TLK1: variants seen among roughly 807,000 people sequenced by gnomAD.
The protein encoded by TLK1 is tousled like kinase 1, also known as serine/threonine-protein kinase tousled-like 1.
In TLK1, 24 loss-of-function variants were observed where a neutral mutation model predicts 105.3. That is an observed-to-expected ratio of 0.23 (90% CI 0.17 to 0.32). The LOEUF is 0.32. Ranked by LOEUF, TLK1 falls within the 10% of genes least tolerant of loss-of-function variation. TLK1 has a pLI of 1.00. For synonymous variants in TLK1, 321 were observed against 310.4 expected (o/e 1.03, Z -0.36); for missense variants, 558 against 910.5 (o/e 0.61, Z 4.98).
chr2:171,152,327 A>G (rs1692074967), intron 1 of TLK1, among the ~76,000 whole-genome samples: 1 of 152,194 alleles, frequency 6.6e-6, no homozygotes, highest in Non-Finnish European at 1.5e-5. Context: ...CCTTCTTGAA[A>G]TTCATTAAAT....
Position 171,053,845 on chromosome 2 carries a change from G to C in TLK1, c.648C>G (p.Leu216=). 6.2e-7 allele frequency: 1 copy of C among 1,603,432 alleles called. No individual in the cohort carries two copies. Among genetic ancestry groups the C allele is most frequent in the Non-Finnish European group, 8.5e-7 (1 of 1,175,328 alleles). Residue 216 remains leucine, a synonymous_variant, in exon 8 of 21, where the codon CTC becomes CTG. Transcript: ENST00000431350. ...CTAATGCTGCTAATTTCAGCATTGTGAGATCAGTCTAAATGAAAAAAAGTT... is the reference window on the plus strand; with the variant it reads ...CTAATGCTGCTAATTTCAGCATTGTCAGATCAGTCTAAATGAAAAAAAGTT... ...QLSFKIIQTD[L]TMLKLAALES... is the part of the protein sequence containing the mutation.
At chr2:171,140,631 C>G (rs550382579) in intron 1 of TLK1, among the ~76,000 whole-genome samples, 2 of 152,274 alleles carry the variant, frequency 1.3e-5, no homozygotes, top group East Asian at 3.9e-4. Context: ...TTAAGAAAAG[C>G]AGATTTATAG....
intron 1 of TLK1, among the ~76,000 whole-genome samples, chr2:171,174,141 G>C (rs1036028211): frequency 6.6e-6 from 1 of 151,922 alleles, no homozygotes; most frequent in Non-Finnish European, 1.5e-5. Flanking sequence ...TTTTAATCTT[G>C]TTGTCACCTG....
chr2:171,223,514 CTG>C (rs1693845593), intron 1 of TLK1, among the ~76,000 whole-genome samples: 1 of 119,310 alleles, frequency 8.4e-6, no homozygotes, highest in African/African-American at 3.3e-5. Flanking sequence ...GACTCTTACT[CTG>C]TTGCCCAGGC....
chr2:171,003,367 T>A (rs1010074743), intron 18 of TLK1, among the ~76,000 whole-genome samples: 2 of 152,064 alleles, frequency 1.3e-5, no homozygotes, highest in African/African-American at 4.8e-5. Context: ...TTCTTTTTTT[T>A]AGCAATGATC....
chr2:171,080,171 C>A (rs868403186), intron 3 of TLK1, among the ~76,000 whole-genome samples: 1 of 141,886 alleles, frequency 7.0e-6, no homozygotes, highest in Admixed American at 7.3e-5. Flanking sequence ...CACTCCAGCC[C>A]GGGCAAAAGA....
At chr2:171,179,765 C>G (rs1478012337) in intron 1 of TLK1, among the ~76,000 whole-genome samples, 2 of 152,006 alleles carry the variant, frequency 1.3e-5, no homozygotes, top group Admixed American at 6.6e-5. Flanking sequence ...CAAGACCAGC[C>G]TGGCCAACAT....
Position 171,011,428 on chromosome 2 carries a change from T to C in TLK1, c.1361A>G (p.Glu454Gly). The C allele has an allele frequency of 1.2e-6, 2 of 1,613,470 alleles. No individual in the cohort carries two copies. The highest frequency in any genetic ancestry group is 1.7e-6 in the Non-Finnish European group (2 of 1,179,678). Residue 454 changes from glutamate (E) to glycine (G), a missense_variant, in exon 14 of 21, where the codon GAA becomes GGA. By Grantham distance (98) the Glu-to-Gly change is moderately conservative. Around this residue, in one of 5 missense-constraint regions of TLK1, gnomAD observed 218 missense variants for 492.9 expected, o/e 0.44. Coordinates refer to ENST00000431350, the MANE Select transcript of TLK1 (RefSeq NM_012290.5). ...SQFKDHPTLN[E>G]RYLLLHLLGR... ...AAGCAGATGAAGTAATAAATATCTT[T>C]CATTTAATGTTGGGTGATCTTTGAA...
intron 1 of TLK1, chr2:171,154,623 T>C (rs769953820): frequency 2.6e-5 from 4 of 152,240 alleles, no homozygotes; most frequent in Non-Finnish European, 4.4e-5. Context: ...AGCTAGTTAA[T>C]AGCAAAGTAA....
chr2:171,159,149 C>A (rs1692350312), intron 1 of TLK1, among the ~76,000 whole-genome samples: 1 of 152,156 alleles, frequency 6.6e-6, no homozygotes, highest in South Asian at 2.1e-4. Context: ...CTACATAAAT[C>A]GAAGCTCTTG....
intron 1 of TLK1, among the ~76,000 whole-genome samples, chr2:171,179,493 T>C (rs1365975920): frequency 6.6e-6 from 1 of 152,188 alleles, no homozygotes; most frequent in Non-Finnish European, 1.5e-5. Flanking sequence ...TTTATTGCTA[T>C]GAGTCTGACA....
chr2:171,166,917 C>T (rs750412031), intron 1 of TLK1, among the ~76,000 whole-genome samples: 2 of 152,214 alleles, frequency 1.3e-5, no homozygotes, highest in Non-Finnish European at 2.9e-5. Flanking sequence ...AAATATAATG[C>T]TCATTAAAAA....
intron 1 of TLK1, among the ~76,000 whole-genome samples, chr2:171,216,056 T>C (rs1003091642): frequency 6.6e-6 from 1 of 152,172 alleles, no homozygotes; most frequent in Non-Finnish European, 1.5e-5. Flanking sequence ...ATCTCCATTT[T>C]ACAGACAGCA....
chr2:171,027,339 T>C (rs1326523951), intron 12 of TLK1, among the ~76,000 whole-genome samples: 1 of 152,172 alleles, frequency 6.6e-6, no homozygotes, highest in African/African-American at 2.4e-5. Context: ...TTTATGTCTG[T>C]CAGTAACTTA....
upstream of TLK1, among the ~76,000 whole-genome samples, chr2:171,163,555 G>C (rs573367021): frequency 6.6e-6 from 1 of 152,114 alleles, no homozygotes; most frequent in Non-Finnish European, 1.5e-5. Context: ...CCTCATCTAC[G>C]AGAAAGAGGT....
At chr2:171,110,894 G>C (rs1690131172) in intron 2 of TLK1, among the ~76,000 whole-genome samples, 1 of 152,150 alleles carries the variant, frequency 6.6e-6, no homozygotes. Context: ...ACCATGGGGA[G>C]AAAGTCCCAT....
intron 1 of TLK1, among the ~76,000 whole-genome samples, chr2:171,133,771 TTTAATA>T (rs1300296307): frequency 6.6e-6 from 1 of 151,828 alleles, no homozygotes; most frequent in East Asian, 1.9e-4. Flanking sequence ...TTTTTTTTTT[TTTAATA>T]TTTGAGTGTA....
At position 170,993,477 on chromosome 2, in the gene TLK1, C is replaced by A. The variant is rs1683881550; in HGVS notation, c.*303G>T. 1.3e-5 allele frequency: 3 copies of A among 239,570 alleles called. No homozygotes were observed. Among genetic ancestry groups the A allele is most frequent in the Non-Finnish European group, 2.4e-5 (3 of 126,692 alleles). The allele number at this position is 239,570 out of a possible 1,614,324, so 14.8% of individuals were successfully genotyped here. A position where few individuals can be genotyped will look rare whatever the true frequency, so the allele number is the denominator to read the frequency against. ...ATAAACGTTATTTACAGTGTTCCCC[C>A]AAATAAACAAAATTTTTTTCCTCTA... On this transcript the variant is annotated 3_prime_UTR_variant, in exon 21 of 21. Coordinates refer to ENST00000431350, the MANE Select transcript of TLK1 (RefSeq NM_012290.5).
chr2:171,015,865 G>C (rs1264784113), intron 12 of TLK1, among the ~76,000 whole-genome samples: 2 of 151,944 alleles, frequency 1.3e-5, no homozygotes, highest in East Asian at 1.9e-4. Flanking sequence ...GATCACCTGA[G>C]GTCGGGAGTT....
Sources: allele counts gnomAD v4.1 joint callset (sites outside exome capture counted in the v4.1 genomes callset), GRCh38; gene constraint gnomAD v4.1.1; regional missense constraint gnomAD v4.1.1; transcripts MANE v1.5; gene names NCBI Gene and HGNC (gene_info 2026-07-23, HGNC 2026-07-21).